The following DGAT1 variants were observed in gnomAD, a reference collection of about 807,000 sequenced individuals.
DGAT1 encodes diacylglycerol O-acyltransferase 1.
A neutral mutation model predicts 72.6 loss-of-function variants in DGAT1; 60 were observed. The observed-to-expected ratio is 0.83, with a 90% CI of 0.67 to 1.02. The LOEUF (loss-of-function observed/expected upper bound fraction) is 1.02, where lower values mean the gene tolerates loss of function less well. Among genes scored for constraint, DGAT1 ranks in the 50% least tolerant of loss-of-function variants. The pLI is 0.00. For missense variants in DGAT1, 592 were observed against 670.0 expected, an observed-to-expected ratio of 0.88 and a Z score of 1.29; for synonymous variants, 290 against 267.5, an observed-to-expected ratio of 1.08 and a Z score of -0.82.
intron 10 of DGAT1, 25 bp downstream of exon 10, chr8:144,317,758 AC>A: frequency 1.2e-6 from 2 of 1,613,372 alleles, no homozygotes; most frequent in Non-Finnish European, 1.7e-6. Context: ...GCCCAGCTAC[AC>A]CCAACCCTGC....
intron 1 of DGAT1, among the ~76,000 whole-genome samples, chr8:144,323,043 G>A (rs111768788): frequency 4.5e-4 from 68 of 152,330 alleles, no homozygotes; most frequent in African/African-American, 1.6e-3. Flanking sequence ...TGGGCTGTCT[G>A]TCTGGGGGCC....
rs1817593990 is a variant in DGAT1, at chr8:144,326,432, G to GC, written c.200+4dup. ...CAGAGGTTAGGGGGTCAGGCGCTCC[G>GC]CTACCTCAGCTCCCAGTGGCCGCTG... is the stretch of plus-strand genomic sequence containing the variant. On this transcript the variant is annotated splice_donor_region_variant and intron_variant, in intron 1 of 16. Transcript: ENST00000528718. 7.2e-7 allele frequency: 1 copy of GC among 1,384,340 alleles called. No homozygotes were observed. Among genetic ancestry groups the GC allele is most frequent in the Admixed American group, 3.1e-5 (1 of 32,608 alleles). 85.8% of individuals were successfully genotyped at this position (1,384,340 alleles called of 1,614,324 possible).
At position 144,319,039 on chromosome 8, in the gene DGAT1, C is replaced by T. The variant is rs1564632082; in HGVS notation, c.318G>A (p.Glu106=). Residue 106 remains glutamate, a synonymous_variant, in exon 3 of 17, where the codon GAG becomes GAA. Coordinates refer to ENST00000528718, the MANE Select transcript of DGAT1 (RefSeq NM_012079.6). ...LILSNARLFL[E]NLIKYGILVD... ...GCAAAGGCACTCACTTGATGAGGTT[C>T]TCCAGAAATAACCGGGCATTGCTCA... The T allele has an allele frequency of 1.9e-6, 3 of 1,558,262 alleles. No individual in the cohort carries two copies. The East Asian group carries it at 7.2e-5, about 37-fold the overall frequency.
At position 144,326,568 on chromosome 8, in the gene DGAT1, C is replaced by T; in HGVS notation, c.69G>A (p.Gly23=). 1 of 1,250,810 alleles carries T rather than the reference C, an allele frequency of 8.0e-7. No individual in the cohort carries two copies. The highest frequency in any genetic ancestry group is 1.0e-6 in the Non-Finnish European group (1 of 998,430). 77.5% of individuals were successfully genotyped at this position (1,250,810 alleles called of 1,614,324 possible). Residue 23 remains glycine, a synonymous_variant, in exon 1 of 17, where the codon GGG becomes GGA. Coordinates refer to ENST00000528718, the MANE Select transcript of DGAT1 (RefSeq NM_012079.6). ...GSRPSSHGGG[G]PAAAEEEVRD... Reference sequence around the variant, plus strand: ...GCACCTCCTCTTCCGCCGCCGCAGGCCCGCCGCCGCCGTGGCTCGAGGGCC... The same window carrying T: ...GCACCTCCTCTTCCGCCGCCGCAGGTCCGCCGCCGCCGTGGCTCGAGGGCC...
chr8:144,317,701 G>A lies in DGAT1; in HGVS notation c.906C>T (p.Pro302=), dbSNP rs1554847368. The part of the protein sequence containing the change: ...QVGLIQQWMV[P]TIQNSMKPFK... ...AGGGCTTCATGGAGTTCTGGATGGT[G>A]GGGACCATCCACTGCAAAGGAGGGC... The change falls in exon 11 of 17, where the codon CCC becomes CCT. Residue 302 remains proline, a synonymous_variant. Transcript: ENST00000528718. 6 of 1,613,552 alleles carry A rather than the reference G, an allele frequency of 3.7e-6. No homozygotes were observed. In the South Asian group the frequency reaches 6.6e-5, roughly 18 times the overall value.
chr8:144,315,112 G>T lies in DGAT1; in HGVS notation c.*1442C>A, dbSNP rs1224330714. The T allele has an allele frequency of 2.0e-6, 2 of 985,548 alleles. No homozygotes were observed. The highest frequency in any genetic ancestry group is 9.4e-5 in the South Asian group (2 of 21,294). The allele number at this position is 985,548 out of a possible 1,614,324, so 61.1% of individuals were successfully genotyped here. ...TTCTCCACTCAGCCTGGTGGAGGAAGGGAAGGGGGCCTGCGCTGGGCAGTG... is the reference window on the plus strand; with the variant it reads ...TTCTCCACTCAGCCTGGTGGAGGAATGGAAGGGGGCCTGCGCTGGGCAGTG... On this transcript the variant is annotated 3_prime_UTR_variant, in exon 17 of 17. Coordinates refer to ENST00000528718, the MANE Select transcript of DGAT1 (RefSeq NM_012079.6).
At position 144,318,461 on chromosome 8, in the gene DGAT1, C is replaced by T. The variant is rs994314695; in HGVS notation, c.574G>A (p.Val192Met). Reference protein sequence around the residue: ...VVLLVESITPVGSLLALMAHT... With the variant: ...VVLLVESITPMGSLLALMAHT... ...TGGGCAGGGTGGGATGGGGGCGCAC[C>T]TGGAGTGATAGACTCAACCAGTAAG... The change falls in exon 6 of 17, where the codon GTG becomes ATG. Residue 192 changes from valine (V) to methionine (M), a missense_variant and splice_region_variant. Transcript: ENST00000528718. 1 of 1,610,946 alleles carries T rather than the reference C, an allele frequency of 6.2e-7. No homozygotes were observed. Among genetic ancestry groups the T allele is most frequent in the Non-Finnish European group, 8.5e-7 (1 of 1,179,504 alleles).
intron 9 of DGAT1, 35 bp downstream of exon 9, chr8:144,317,879 A>AGCCTCCAGTGGCT: frequency 6.4e-7 from 1 of 1,566,064 alleles, no homozygotes; most frequent in Non-Finnish European, 8.7e-7. Context: ...AAGGCCCCCT[A>AGCCTCCAGTGGCT]GCCTCCAGTG....
chr8:144,323,123 T>A (rs1817503479), intron 1 of DGAT1, among the ~76,000 whole-genome samples: 1 of 151,972 alleles, frequency 6.6e-6, no homozygotes, highest in Non-Finnish European at 1.5e-5. Context: ...AGCCTCAGGG[T>A]TGGCCTTCTT....
At chr8:144,317,140 A>G in intron 14 of DGAT1, 31 bp from the exon 15 acceptor site, 2 of 1,612,628 alleles carry the variant, frequency 1.2e-6, no homozygotes, top group Non-Finnish European at 1.7e-6. Flanking sequence ...AAAGCGGTTC[A>G]GGTTCACAGC....
Position 144,316,284 on chromosome 8 carries a change from G to GT in DGAT1, c.*269_*270insA, listed in dbSNP as rs1240716701. On this transcript the variant is annotated 3_prime_UTR_variant, in exon 17 of 17. Transcript: ENST00000528718. ...CCAGGCCCCAGGCCCCTGGCAGGCT[G>GT]AAGAGGTCACTGGACAGCACTTTAT... 5 of 447,736 alleles carry GT rather than the reference G, an allele frequency of 1.1e-5. No individual in the cohort carries two copies. The highest frequency in any genetic ancestry group is 8.0e-6 in the Non-Finnish European group (2 of 250,828). 27.7% of individuals were successfully genotyped at this position (447,736 alleles called of 1,614,324 possible).
In DGAT1 at chr8:144,319,057, A is replaced by G. The variant is rs1554847807; in HGVS notation, c.300T>C (p.Asn100=). The stretch of plus-strand genomic sequence containing the variant: ...TGAGGTTCTCCAGAAATAACCGGGC[A>G]TTGCTCAAGATCTGCGAGGGATGGA... ...NWCVVMLILS[N]ARLFLENLIK... Residue 100 remains asparagine, a synonymous_variant, in exon 3 of 17, where the codon AAT becomes AAC. Coordinates refer to ENST00000528718, the MANE Select transcript of DGAT1 (RefSeq NM_012079.6). 6.4e-7 allele frequency: 1 copy of G among 1,555,574 alleles called. No individual in the cohort carries two copies. Among genetic ancestry groups the G allele is most frequent in the Non-Finnish European group, 8.7e-7 (1 of 1,149,380 alleles).
Position 144,317,106 on chromosome 8 carries a change from G to A in DGAT1, c.1164C>T (p.His388=), listed in dbSNP as rs1588680446. The change falls in exon 15 of 17, where the codon CAC becomes CAT. Residue 388 remains histidine, a synonymous_variant. Coordinates refer to ENST00000528718, the MANE Select transcript of DGAT1 (RefSeq NM_012079.6). The part of the protein sequence containing the change: ...NIPVHKWCIR[H]FYKPMLRRGS... ...CCCGTCGAAGCATGGGCTTGTAGAA[G>A]TGTCTGCAGAGGAGGGGGCATGGAA... The A allele has an allele frequency of 6.2e-7, 1 of 1,613,062 alleles. No homozygotes were observed. The highest frequency in any genetic ancestry group is 8.5e-7 in the Non-Finnish European group (1 of 1,179,902).
intron 2 of DGAT1, among the ~76,000 whole-genome samples, chr8:144,320,062 C>T (rs2130529980): frequency 6.6e-6 from 1 of 152,322 alleles, no homozygotes; most frequent in Non-Finnish European, 1.5e-5. Flanking sequence ...GTGGCCCACA[C>T]TGTCACTGGC....
chr8:144,324,409 G>A (rs1438602254), intron 1 of DGAT1, among the ~76,000 whole-genome samples: 2 of 152,196 alleles, frequency 1.3e-5, no homozygotes, highest in Non-Finnish European at 2.9e-5. Flanking sequence ...AGACAGCAGG[G>A]AGAAGAGCCC....
intron 12 of DGAT1, 37 bp downstream of exon 12, chr8:144,317,507 C>T (rs782207311): frequency 4.3e-6 from 7 of 1,613,716 alleles, no homozygotes; most frequent in Non-Finnish European, 5.9e-6. Flanking sequence ...CCACTGTCCC[C>T]TCCTGTCCTG....
rs377557196 is a variant in DGAT1, at chr8:144,317,316, AC to A, written c.1094+16del. 111 of 1,612,106 alleles carry A rather than the reference AC, an allele frequency of 6.9e-5. No homozygotes were observed. In the East Asian group the frequency reaches 1.3e-3, roughly 19 times the overall value. On this transcript the variant is annotated intron_variant, in intron 13 of 16. Transcript: ENST00000528718. ...ATGGCCCATCCCAGCCCCCAGGGAC[AC>A]CCCAGGGACACTCACCACCAGTCCC... is the stretch of plus-strand genomic sequence containing the variant.
Position 144,315,977 on chromosome 8 carries a change from C to G in DGAT1, c.*577G>C. The G allele has an allele frequency of 2.0e-6, 2 of 983,356 alleles. No homozygotes were observed. Among genetic ancestry groups the G allele is most frequent in the Non-Finnish European group, 2.4e-6 (2 of 827,794 alleles). 60.9% of individuals were successfully genotyped at this position (983,356 alleles called of 1,614,324 possible). ...CGCAAACCCAGGGCCGACCTCTTCCCAAGCTGAAGCTGAGCACGGTGGGTG... is the reference window on the plus strand; with the variant it reads ...CGCAAACCCAGGGCCGACCTCTTCCGAAGCTGAAGCTGAGCACGGTGGGTG... On this transcript the variant is annotated 3_prime_UTR_variant, in exon 17 of 17. Transcript: ENST00000528718.
At position 144,317,377 on chromosome 8, in the gene DGAT1, A is replaced by T; in HGVS notation, c.1050T>A (p.Ala350=). Reference sequence around the variant, plus strand: ...CCCGGTCTCCAAACTGCATGAGCTCAGCCACGGCATTCAGGCAGGAGTGGA... The same window carrying T: ...CCCGGTCTCCAAACTGCATGAGCTCTGCCACGGCATTCAGGCAGGAGTGGA... The part of the protein sequence containing the change: ...WLFHSCLNAV[A]ELMQFGDREF... The change falls in exon 13 of 17, where the codon GCT becomes GCA. Residue 350 remains alanine (A), a synonymous_variant. Transcript: ENST00000528718. The T allele has an allele frequency of 6.2e-7, 1 of 1,613,142 alleles. No individual in the cohort carries two copies. The highest frequency in any genetic ancestry group is 8.5e-7 in the Non-Finnish European group (1 of 1,179,398).
Sources: gnomAD v4.1 joint callset for allele counts (sites outside exome capture counted in the v4.1 genomes callset) on GRCh38, gnomAD v4.1.1 for gene constraint, MANE v1.5 for transcripts, NCBI Gene and HGNC (gene_info 2026-07-23, HGNC 2026-07-21) for gene names.